The following PCSK5 variants were observed in gnomAD, a reference collection of about 807,000 sequenced individuals.
The protein encoded by PCSK5 is proprotein convertase subtilisin/kexin type 5, also known as prohormone convertase 5.
In PCSK5, 129 loss-of-function variants were observed where a neutral mutation model predicts 233.2. The observed-to-expected ratio is 0.55, with a 90% CI of 0.48 to 0.64. The LOEUF (loss-of-function observed/expected upper bound fraction) is 0.64, where lower values mean the gene tolerates loss of function less well. PCSK5 is among the 30% of genes least tolerant of loss of function. The probability of loss-of-function intolerance (pLI) is 0.00; values close to 1 mark genes in which losing one functional copy is unlikely to be tolerated. For missense variants in PCSK5, 2,076 were observed against 2,430.1 expected (o/e 0.85, Z 3.06); for synonymous variants, 825 against 879.2 (o/e 0.94, Z 1.09).
chr9:76,021,375 G>GT (rs397744823), intron 3 of PCSK5, among the ~76,000 whole-genome samples: 2 of 151,418 alleles, frequency 1.3e-5, no homozygotes, highest in African/African-American at 2.4e-5. Flanking sequence ...GGGTTGGGGG[G>GT]TGTATTTCTA....
At chr9:76,021,092 T>G (rs915423198) in intron 3 of PCSK5, among the ~76,000 whole-genome samples, 1 of 152,294 alleles carries the variant, frequency 6.6e-6, no homozygotes, top group Non-Finnish European at 1.5e-5. Flanking sequence ...GCAGTGTATC[T>G]TGGAAGAAGT....
intron 4 of PCSK5, among the ~76,000 whole-genome samples, chr9:76,024,590 C>T (rs950189395): frequency 1.3e-5 from 2 of 152,206 alleles, no homozygotes; most frequent in Non-Finnish European, 2.9e-5. Flanking sequence ...TCTTGTCACA[C>T]GCGAAGAGGG....
chr9:76,298,184 G>A (rs1452413532), intron 27 of PCSK5, among the ~76,000 whole-genome samples: 1 of 152,076 alleles, frequency 6.6e-6, no homozygotes, highest in Non-Finnish European at 1.5e-5. Context: ...AGTTAGAGCA[G>A]GCTTGATTCC....
chr9:75,995,057 TTC>T (rs1404453377), intron 3 of PCSK5, among the ~76,000 whole-genome samples: 2 of 152,194 alleles, frequency 1.3e-5, no homozygotes, highest in Non-Finnish European at 2.9e-5. Flanking sequence ...TTTAAACATG[TTC>T]TCTCTCTGCC....
intron 3 of PCSK5, among the ~76,000 whole-genome samples, chr9:76,022,889 T>G (rs576467490): frequency 6.6e-6 from 1 of 152,192 alleles, no homozygotes; most frequent in South Asian, 2.1e-4. Flanking sequence ...CTACAAATTA[T>G]GGTACAATAG....
chr9:76,284,006 T>G (rs1827969697), intron 24 of PCSK5, among the ~76,000 whole-genome samples: 4 of 152,192 alleles, frequency 2.6e-5, no homozygotes, highest in Non-Finnish European at 5.9e-5. Context: ...CTCAACATGT[T>G]TTGACAAGGT....
intron 24 of PCSK5, among the ~76,000 whole-genome samples, chr9:76,265,498 T>C (rs1290883242): frequency 6.6e-6 from 1 of 152,082 alleles, no homozygotes; most frequent in African/African-American, 2.4e-5. Flanking sequence ...GGAAACTAAA[T>C]AAATGAGATG....
At chr9:76,197,810 G>C (rs7046294) in intron 20 of PCSK5, among the ~76,000 whole-genome samples, 1 of 152,152 alleles carries the variant, frequency 6.6e-6, no homozygotes, top group African/African-American at 2.4e-5. Flanking sequence ...TGTAGAAGAC[G>C]GCACAGATCT....
At chr9:76,157,732 A>T (rs1470492799) in intron 11 of PCSK5, among the ~76,000 whole-genome samples, 1 of 152,158 alleles carries the variant, frequency 6.6e-6, no homozygotes, top group Admixed American at 6.5e-5. Context: ...TGATGATGAA[A>T]CTAGAGACAT....
chr9:75,949,960 G>A (rs765543538), intron 2 of PCSK5, among the ~76,000 whole-genome samples: 1 of 152,116 alleles, frequency 6.6e-6, no homozygotes, highest in African/African-American at 2.4e-5. Context: ...ATTAAGATTG[G>A]TTTTCCCGTT....
intron 1 of PCSK5, among the ~76,000 whole-genome samples, chr9:75,921,040 G>A (rs898202835): frequency 7.9e-5 from 12 of 152,016 alleles, no homozygotes; most frequent in African/African-American, 2.9e-4. Flanking sequence ...TAAAAAAGTT[G>A]TTAGAGATTT....
At chr9:76,344,197 A>G (rs1180009735) in intron 35 of PCSK5, among the ~76,000 whole-genome samples, 1 of 152,142 alleles carries the variant, frequency 6.6e-6, no homozygotes, top group Non-Finnish European at 1.5e-5. Context: ...AATGGTTTCA[A>G]ATGATATTTT....
At chr9:76,012,117 T>A (rs1426658871) in intron 3 of PCSK5, among the ~76,000 whole-genome samples, 1 of 152,178 alleles carries the variant, frequency 6.6e-6, no homozygotes, top group Admixed American at 6.5e-5. Flanking sequence ...TTGGAAATTT[T>A]AAAAAATAAA....
intron 2 of PCSK5, among the ~76,000 whole-genome samples, chr9:75,981,455 A>T (rs190947018): frequency 7.2e-4 from 109 of 152,358 alleles, no homozygotes; most frequent in African/African-American, 2.5e-3. Flanking sequence ...CTTAATATTT[A>T]AGTTGTGTTG....
chr9:75,893,974 C>T (rs1244093392), intron 1 of PCSK5, among the ~76,000 whole-genome samples: 1 of 152,176 alleles, frequency 6.6e-6, no homozygotes, highest in Non-Finnish European at 1.5e-5. Flanking sequence ...TCTTATTCAT[C>T]CTTTACTGCT....
intron 3 of PCSK5, 52 bp from the exon 4 acceptor site, chr9:76,023,686 C>T (rs1281964892): frequency 1.6e-5 from 23 of 1,478,552 alleles, no homozygotes; most frequent in Non-Finnish European, 2.0e-5. Flanking sequence ...ATAGGTAATT[C>T]TTCCATTTCC....
At chr9:75,955,247 C>T (rs1403690907) in intron 2 of PCSK5, among the ~76,000 whole-genome samples, 1 of 152,058 alleles carries the variant, frequency 6.6e-6, no homozygotes, top group Admixed American at 6.6e-5. Context: ...GGGCTATCTC[C>T]TGCATTTGTT....
intron 9 of PCSK5, among the ~76,000 whole-genome samples, chr9:76,130,772 A>G (rs1351250753): frequency 6.6e-6 from 1 of 152,110 alleles, no homozygotes; most frequent in Non-Finnish European, 1.5e-5. Context: ...CTCTCTTCAT[A>G]TATATTTTTG....
chr9:76,050,625 A>G (rs1829588945), intron 5 of PCSK5, among the ~76,000 whole-genome samples: 1 of 152,210 alleles, frequency 6.6e-6, no homozygotes, highest in African/African-American at 2.4e-5. Context: ...AACCAGAACA[A>G]CTGGAGCAGA....
Sources: gnomAD v4.1 joint callset for allele counts (sites outside exome capture counted in the v4.1 genomes callset) on GRCh38, gnomAD v4.1.1 for gene constraint, MANE v1.5 for transcripts, NCBI Gene and HGNC (gene_info 2026-07-23, HGNC 2026-07-21) for gene names.